Variants in CHIC1 observed in about 807,000 individuals in gnomAD.
CHIC1 encodes the protein cysteine-rich hydrophobic domain-containing protein 1.
In CHIC1, 7 loss-of-function variants were observed where a neutral mutation model predicts 18.5. The observed-to-expected ratio is 0.38, with a 90% CI of 0.22 to 0.71. The LOEUF is 0.71. Among genes scored for constraint, CHIC1 ranks in the 30% least tolerant of loss-of-function variants. The pLI is 0.49. For synonymous variants in CHIC1, 77 were observed against 73.5 expected (o/e 1.05, Z -0.25); for missense variants, 159 against 176.9 (o/e 0.90, Z 0.57).
rs976172902 is a variant in CHIC1, at chrX:73,653,227, G to T, written c.508-26099G>T. Among the ~76,000 whole-genome samples the T allele has an allele frequency of 6.4e-5, 7 of 110,085 alleles. No individual in the cohort carries two copies. In the East Asian group the frequency reaches 2.0e-3, roughly 32 times the overall value. On this transcript the variant is annotated intron_variant, in intron 3 of 5. Coordinates refer to ENST00000373502, the MANE Select transcript of CHIC1 (RefSeq NM_001039840.4). ...AACACACTCTGGGGTCTGTTGGGGG[G>T]TGTGGGATGAGGGGAGGGAACCTAG...
chrX:73,616,861 G>A (rs972902816), intron 3 of CHIC1, among the ~76,000 whole-genome samples: 12 of 111,905 alleles, frequency 1.1e-4, no homozygotes, highest in Admixed American at 6.6e-4. Context: ...GCCTGTGATG[G>A]TAGGGGCTTC....
At chrX:73,646,796 T>A (rs1400773023) in intron 3 of CHIC1, among the ~76,000 whole-genome samples, 1 of 112,259 alleles carries the variant, frequency 8.9e-6, no homozygotes, top group Non-Finnish European at 1.9e-5. Flanking sequence ...CTGTCTGACT[T>A]TGTTAGCTTT....
chrX:73,616,765 T>G (rs2057735049), intron 3 of CHIC1, among the ~76,000 whole-genome samples: 1 of 111,657 alleles, frequency 9.0e-6, no homozygotes, highest in Non-Finnish European at 1.9e-5. Context: ...GTGGCTAGGA[T>G]GGAGAGCACC....
chrX:73,608,309 A>G (rs1251264371), intron 3 of CHIC1, among the ~76,000 whole-genome samples: 1 of 109,206 alleles, frequency 9.2e-6, no homozygotes, highest in Non-Finnish European at 1.9e-5. Flanking sequence ...TGAGCTTTGT[A>G]GTAAATTATT....
At chrX:73,668,362 A>G (rs2058014266) in intron 3 of CHIC1, among the ~76,000 whole-genome samples, 1 of 111,811 alleles carries the variant, frequency 8.9e-6, no homozygotes, top group East Asian at 2.8e-4. Context: ...TACTTCTGTC[A>G]TTTCAGCTAT....
intron 3 of CHIC1, among the ~76,000 whole-genome samples, chrX:73,644,418 C>G (rs989958106): frequency 3.6e-5 from 4 of 112,334 alleles, no homozygotes; most frequent in Admixed American, 1.9e-4. Context: ...AGCTGTCAGA[C>G]AGGGACATTT....
chrX:73,597,333 G>A (rs1276718535), intron 3 of CHIC1, among the ~76,000 whole-genome samples: 1 of 110,100 alleles, frequency 9.1e-6, no homozygotes, highest in Non-Finnish European at 1.9e-5. Context: ...TTCTCTCTAG[G>A]TTGTTTATTT....
At chrX:73,590,303 A>G (rs891364215) in intron 3 of CHIC1, among the ~76,000 whole-genome samples, 3 of 110,880 alleles carry the variant, frequency 2.7e-5, no homozygotes, top group Non-Finnish European at 5.7e-5. Context: ...GCAATTTTTA[A>G]TTAATAGATT....
intron 3 of CHIC1, among the ~76,000 whole-genome samples, chrX:73,663,915 T>A (rs1407185374): frequency 6.3e-5 from 7 of 111,752 alleles, no homozygotes; most frequent in African/African-American, 2.3e-4. Flanking sequence ...AGCACATTAA[T>A]TCCTTTACTG....
At chrX:73,650,701 CAAAA>C (rs139432536) in intron 3 of CHIC1, among the ~76,000 whole-genome samples, 14 of 64,817 alleles carry the variant, frequency 2.2e-4, no homozygotes, top group South Asian at 8.6e-4. Flanking sequence ...GCCTACCAAC[CAAAA>C]AAAAAAAAAA....
intron 1 of CHIC1, among the ~76,000 whole-genome samples, chrX:73,573,045 C>T (rs772830038): frequency 1.8e-5 from 2 of 110,934 alleles, no homozygotes; most frequent in African/African-American, 6.5e-5. Context: ...GGGTGTTTCC[C>T]AGGTTTTCTT....
At chrX:73,666,641 C>T (rs1185028408) in intron 3 of CHIC1, among the ~76,000 whole-genome samples, 4 of 112,160 alleles carry the variant, frequency 3.6e-5, no homozygotes, top group Non-Finnish European at 7.5e-5. Context: ...ACGAAGTTGA[C>T]ACTCAGTAAT....
At chrX:73,641,940 C>T (rs1042131021) in intron 3 of CHIC1, among the ~76,000 whole-genome samples, 1 of 111,554 alleles carries the variant, frequency 9.0e-6, no homozygotes, top group Non-Finnish European at 1.9e-5. Context: ...TGGGTTGATT[C>T]CAAGTCTTTG....
At chrX:73,577,572 G>A (rs2057506002) in intron 2 of CHIC1, 111 bp downstream of exon 2, 1 of 564,931 alleles carries the variant, frequency 1.8e-6, no homozygotes, top group African/African-American at 2.3e-5. Flanking sequence ...GTAATAGGAG[G>A]CCTCAGTAGT....
intron 3 of CHIC1, among the ~76,000 whole-genome samples, chrX:73,657,844 TGAA>T (rs1164196862): frequency 8.9e-6 from 1 of 111,939 alleles, no homozygotes; most frequent in Non-Finnish European, 1.9e-5. Context: ...TGAATTTTAT[TGAA>T]GGCCTTTTTT....
intron 1 of CHIC1, among the ~76,000 whole-genome samples, chrX:73,574,891 C>G (rs1250990355): frequency 9.1e-6 from 1 of 109,307 alleles, no homozygotes; most frequent in East Asian, 2.9e-4. Context: ...TTCATCGATT[C>G]TTTGTATGGA....
chrX:73,598,951 G>A (rs1195894751), intron 3 of CHIC1, among the ~76,000 whole-genome samples: 37 of 107,596 alleles, frequency 3.4e-4, no homozygotes, highest in Non-Finnish European at 6.5e-4. Context: ...CCCACCAACA[G>A]TGTAAAAGTG....
chrX:73,589,775 G>C (rs1352810160), intron 3 of CHIC1, among the ~76,000 whole-genome samples: 1 of 111,248 alleles, frequency 9.0e-6, no homozygotes, highest in African/African-American at 3.3e-5. Flanking sequence ...TTATTGAAAA[G>C]CTGTCCTAAT....
chrX:73,606,806 G>A (rs772458851), intron 3 of CHIC1, among the ~76,000 whole-genome samples: 8 of 108,989 alleles, frequency 7.3e-5, no homozygotes, highest in Admixed American at 9.6e-5. Context: ...TATCACCAGC[G>A]GAGGCTGCAG....
Sources: gnomAD v4.1 joint callset for allele counts (sites outside exome capture counted in the v4.1 genomes callset) on GRCh38, gnomAD v4.1.1 for gene constraint, MANE v1.5 for transcripts, NCBI Gene and HGNC (gene_info 2026-07-23, HGNC 2026-07-21) for gene names.